LIX1L: variants seen among roughly 807,000 people sequenced by gnomAD.
LIX1L encodes limb and CNS expressed 1 like, also known as LIX1-like protein.
In LIX1L, 20 loss-of-function variants were observed where a neutral mutation model predicts 34.0. The observed-to-expected ratio is 0.59, with a 90% CI of 0.41 to 0.85. The LOEUF is 0.85. Among genes scored for constraint, LIX1L ranks in the 40% least tolerant of loss-of-function variants. LIX1L has a pLI of 0.00. For missense variants in LIX1L, 397 were observed against 447.0 expected, an observed-to-expected ratio of 0.89 and a Z score of 1.01; for synonymous variants, 170 against 187.4, an observed-to-expected ratio of 0.91 and a Z score of 0.76.
chr1:145,940,466 C>G (rs587754967), intron 3 of LIX1L, among the ~76,000 whole-genome samples: 17 of 151,610 alleles, frequency 1.1e-4, no homozygotes, highest in African/African-American at 4.1e-4. Context: ...CATTCTTCAG[C>G]CTCCTGAGTA....
intron 2 of LIX1L, among the ~76,000 whole-genome samples, chr1:145,945,258 A>G (rs980115164): frequency 1.3e-4 from 19 of 143,896 alleles, no homozygotes; most frequent in Admixed American, 5.9e-4. Flanking sequence ...TCAAGATCAC[A>G]CCACTGCACT....
At chr1:145,945,762 A>AT (rs1333257595) in intron 2 of LIX1L, among the ~76,000 whole-genome samples, 3 of 149,702 alleles carry the variant, frequency 2.0e-5, no homozygotes, top group African/African-American at 7.4e-5. Context: ...AAAAAAAAAA[A>AT]AAAGAAGAAG....
intron 1 of LIX1L, among the ~76,000 whole-genome samples, chr1:145,954,551 G>T (rs1028655940): frequency 1.3e-5 from 2 of 152,198 alleles, no homozygotes; most frequent in Non-Finnish European, 2.9e-5. Flanking sequence ...CAGCCATATT[G>T]TAACATAAAA....
intron 1 of LIX1L, among the ~76,000 whole-genome samples, chr1:145,953,391 A>C (rs1362597648): frequency 1.3e-5 from 2 of 152,330 alleles, no homozygotes; most frequent in East Asian, 3.9e-4. Flanking sequence ...GAGTAAAAAG[A>C]TTCTCCTTGA....
intron 5 of LIX1L, 100 bp downstream of exon 5, chr1:145,936,808 A>C: frequency 1.1e-6 from 1 of 900,268 alleles, no homozygotes; most frequent in Non-Finnish European, 1.8e-6. Context: ...TCACAACCAT[A>C]GGTCACAATA....
chr1:145,951,299 G>A (rs904458270), intron 1 of LIX1L, among the ~76,000 whole-genome samples: 6 of 152,152 alleles, frequency 3.9e-5, no homozygotes, highest in East Asian at 1.9e-4. Flanking sequence ...CACCTGCCTC[G>A]GCCTCCCAAA....
intron 1 of LIX1L, 139 bp downstream of exon 1, chr1:145,957,497 G>A (rs1649516815): frequency 8.3e-7 from 1 of 1,200,678 alleles, no homozygotes; most frequent in South Asian, 2.3e-5. Flanking sequence ...GCGTCTGTGC[G>A]TGTGCGTAGC....
chr1:145,941,288 T>C (rs1648906288), intron 3 of LIX1L: 1 of 150,818 alleles, frequency 6.6e-6, no homozygotes, highest in Non-Finnish European at 1.5e-5. Context: ...ATTCTTGCTC[T>C]GTTACCCAGG....
At chr1:145,949,178 A>T (rs1188578803) in intron 1 of LIX1L, 4 of 152,192 alleles carry the variant, frequency 2.6e-5, no homozygotes, top group Non-Finnish European at 5.9e-5. Flanking sequence ...TCTCATCCCT[A>T]CGTTTTCCTT....
At chr1:145,937,743 G>C (rs781966937) in intron 3 of LIX1L, 44 bp from the exon 4 acceptor site, 2 of 1,170,306 alleles carry the variant, frequency 1.7e-6, no homozygotes, top group Admixed American at 3.4e-5. Context: ...TTTCAACCAG[G>C]ATTATCATCT....
chr1:145,949,555 T>G (rs782703139), intron 1 of LIX1L, among the ~76,000 whole-genome samples: 39 of 152,158 alleles, frequency 2.6e-4, no homozygotes, highest in Non-Finnish European at 2.4e-4. Context: ...AAGTAGGGCC[T>G]TTTAGGCCAT....
At chr1:145,940,699 C>T (rs1189983175) in intron 3 of LIX1L, among the ~76,000 whole-genome samples, 1 of 150,924 alleles carries the variant, frequency 6.6e-6, no homozygotes, top group Non-Finnish European at 1.5e-5. Flanking sequence ...TACAGGCGCG[C>T]ACCACCACAC....
chr1:145,944,008 C>T (rs1649014504), intron 2 of LIX1L, among the ~76,000 whole-genome samples: 1 of 152,078 alleles, frequency 6.6e-6, no homozygotes, highest in Non-Finnish European at 1.5e-5. Flanking sequence ...CACCACTACA[C>T]TGCAGCCTGG....
rs1648653549 is a variant in LIX1L at position 145,936,550 on chromosome 1, C to T, written c.774G>A (p.Glu258=). 1 of 1,613,944 alleles carries T rather than the reference C, an allele frequency of 6.2e-7. No homozygotes were observed. Among genetic ancestry groups the T allele is most frequent in the Non-Finnish European group, 8.5e-7 (1 of 1,180,032 alleles). ...CCCGGTGCGAATAATGAGCCAACAC[C>T]TCCTAGTAGGGGAGGGGAATGTGAA... is the stretch of plus-strand genomic sequence containing the variant. ...AMRERQCSRQ[E]VLAHYSHRAL... The change falls in exon 6 of 6, where the codon GAG becomes GAA. Residue 258 remains glutamate (E), a splice_region_variant and synonymous_variant. Coordinates refer to ENST00000604000, the MANE Select transcript of LIX1L (RefSeq NM_153713.3).
intron 1 of LIX1L, among the ~76,000 whole-genome samples, chr1:145,949,892 C>CT (rs1649231196): frequency 6.6e-6 from 1 of 151,506 alleles, no homozygotes; most frequent in Non-Finnish European, 1.5e-5. Flanking sequence ...TCTCAGCTCA[C>CT]TGCAACCTCC....
intron 1 of LIX1L, among the ~76,000 whole-genome samples, chr1:145,955,675 T>C (rs1454229720): frequency 6.6e-6 from 1 of 152,200 alleles, no homozygotes; most frequent in Non-Finnish European, 1.5e-5. Context: ...TGCCTGAAGC[T>C]GAACTATCTG....
At position 145,939,453 on chromosome 1, in the gene LIX1L, G is replaced by A. The variant is rs782646066; in HGVS notation, c.598-1754C>T. On this transcript the variant is annotated intron_variant, in intron 3 of 5. Transcript: ENST00000604000. ...CCCACGTAGCTGGGACTACAGGTGT[G>A]CACTACCATGCCTGGCTAATTTTTG... 6.1e-4 allele frequency among the ~76,000 whole-genome samples: 92 copies of A among 151,512 alleles called. No individual in the cohort carries two copies. In the Middle Eastern group the frequency reaches 0.01, roughly 17 times the overall value.
chr1:145,934,890 G>C lies in LIX1L; in HGVS notation c.*1420C>G, dbSNP rs1648575966. On this transcript the variant is annotated 3_prime_UTR_variant, in exon 6 of 6. Coordinates refer to ENST00000604000, the MANE Select transcript of LIX1L (RefSeq NM_153713.3). Reference sequence around the variant, plus strand: ...CCAAAAAAAAACCACAAATAGGCCAGGCTCAGTGCCTCACGCCTGTAATCC... The same window carrying C: ...CCAAAAAAAAACCACAAATAGGCCACGCTCAGTGCCTCACGCCTGTAATCC... The C allele has an allele frequency of 6.6e-6, 1 of 152,180 alleles. No homozygotes were observed. Among genetic ancestry groups the C allele is most frequent in the Non-Finnish European group, 1.5e-5 (1 of 68,392 alleles). The allele number at this position is 152,180 out of a possible 1,614,324, so 9.4% of individuals were successfully genotyped here. A position where few individuals can be genotyped will look rare whatever the true frequency, so the allele number is the denominator to read the frequency against.
Position 145,957,768 on chromosome 1 carries a change from G to A in LIX1L, c.160C>T (p.Pro54Ser). 7.4e-7 allele frequency: 1 copy of A among 1,351,506 alleles called. No homozygotes were observed. The highest frequency in any genetic ancestry group is 9.4e-7 in the Non-Finnish European group (1 of 1,060,530). 83.7% of individuals were successfully genotyped at this position (1,351,506 alleles called of 1,614,324 possible). A position where few individuals can be genotyped will look rare whatever the true frequency, so the allele number is the denominator to read the frequency against. Residue 54 changes from proline (P) to serine (S), a missense_variant, in exon 1 of 6, where the codon CCG becomes TCG. Physicochemically the swap from Pro to Ser is moderately conservative, Grantham distance 74 (BLOSUM62 -1). This residue lies in a region of LIX1L where 207 missense variants were observed against 205.2 expected (regional missense o/e 1.01). Coordinates refer to ENST00000604000, the MANE Select transcript of LIX1L (RefSeq NM_153713.3). ...GGGGCCCCAGACAGGAGCAGCGGCG[G>A]CGGGGGCGGTGCGGGAGGCGGCGGG... ...PAPPPPAPPP[P>S]PLLLSGAPGL... is the part of the protein sequence containing the mutation.
Sources: allele counts gnomAD v4.1 joint callset (sites outside exome capture counted in the v4.1 genomes callset), GRCh38; gene constraint gnomAD v4.1.1; regional missense constraint gnomAD v4.1.1; transcripts MANE v1.5; gene names NCBI Gene and HGNC (gene_info 2026-07-23, HGNC 2026-07-21).